The following FGF13 variants were observed in gnomAD, a reference collection of about 807,000 sequenced individuals.
FGF13 encodes fibroblast growth factor 13.
A neutral mutation model predicts 19.5 loss-of-function variants in FGF13; 2 were observed. The observed-to-expected ratio is 0.10, with a 90% confidence interval of 0.04 to 0.32. FGF13 has a LOEUF of 0.32. FGF13 is among the 10% of genes least tolerant of loss of function. The pLI, the probability that FGF13 is intolerant of heterozygous loss-of-function variation, is 1.00. For missense variants in FGF13, 113 were observed against 192.7 expected, an observed-to-expected ratio of 0.59 and a Z score of 2.45; for synonymous variants, 72 against 76.9, an observed-to-expected ratio of 0.94 and a Z score of 0.33.
At chrX:138,672,743 A>G (rs764117641) in intron 3 of FGF13, among the ~76,000 whole-genome samples, 173 of 111,704 alleles carry the variant, frequency 1.5e-3, no homozygotes, top group Non-Finnish European at 2.3e-3. Flanking sequence ...AGAGTAATAC[A>G]CAAAGAGGGT....
intron 3 of FGF13, among the ~76,000 whole-genome samples, chrX:138,648,799 CAGAGAA>C (rs758851252): frequency 2.7e-5 from 3 of 111,494 alleles, no homozygotes; most frequent in East Asian, 5.7e-4. Context: ...TCACAGCGCA[CAGAGAA>C]AAAGAATCAA....
intron 3 of FGF13, among the ~76,000 whole-genome samples, chrX:138,783,042 T>C (rs1162982351): frequency 1.1e-5 from 1 of 91,350 alleles, no homozygotes; most frequent in Non-Finnish European, 2.1e-5. Flanking sequence ...TTGACAAACC[T>C]GAGAAAAACA....
At chrX:139,037,766 A>T (rs1197593397) in intron 1 of FGF13, among the ~76,000 whole-genome samples, 1 of 111,993 alleles carries the variant, frequency 8.9e-6, no homozygotes, top group African/African-American at 3.2e-5. Flanking sequence ...CCTTAATCAC[A>T]TTTGCAAAGT....
intron 3 of FGF13, among the ~76,000 whole-genome samples, chrX:138,775,490 T>C (rs781772573): frequency 8.9e-6 from 1 of 112,109 alleles, no homozygotes; most frequent in African/African-American, 3.2e-5. Context: ...CAAATCGCAA[T>C]GGACAGTGCG....
chrX:138,702,448 A>G (rs17538858), intron 3 of FGF13, among the ~76,000 whole-genome samples: 1,744 of 111,847 alleles, frequency 0.016, 26 homozygotes, highest in African/African-American at 0.053. Flanking sequence ...TTACAAGAAA[A>G]AGACAAGCAG....
chrX:139,139,683 T>A (rs1431364320), intron 1 of FGF13, among the ~76,000 whole-genome samples: 2 of 112,136 alleles, frequency 1.8e-5, no homozygotes, highest in East Asian at 2.8e-4. Flanking sequence ...CATTATAGAT[T>A]CATCCATTCA....
At chrX:139,052,671 G>A (rs894609453) in intron 1 of FGF13, among the ~76,000 whole-genome samples, 2 of 111,518 alleles carry the variant, frequency 1.8e-5, no homozygotes, top group African/African-American at 6.5e-5. Flanking sequence ...ATAAGCAGAT[G>A]TTATCATTCT....
chrX:138,807,821 C>T (rs1181801835), intron 3 of FGF13, among the ~76,000 whole-genome samples: 8 of 111,193 alleles, frequency 7.2e-5, no homozygotes, highest in Non-Finnish European at 1.5e-4. Context: ...AGACTTTAAA[C>T]CAACAAAGAT....
At chrX:138,688,269 A>C (rs1469438259) in intron 3 of FGF13, among the ~76,000 whole-genome samples, 2 of 110,292 alleles carry the variant, frequency 1.8e-5, no homozygotes, top group Non-Finnish European at 3.8e-5. Context: ...GGCCCCAAAA[A>C]TTGGATCTTA....
At position 138,786,681 on chromosome X, in the gene FGF13, C is replaced by A. The variant is rs1037269649; in HGVS notation, c.217+70831G>T. Reference sequence around the variant, plus strand: ...TCATTCACCAGCAAGCCAGAGGCAGCAATGACCCAAGGAAAGGCAACAGAA... The same window carrying A: ...TCATTCACCAGCAAGCCAGAGGCAGAAATGACCCAAGGAAAGGCAACAGAA... On this transcript the variant is annotated intron_variant, in intron 3 of 6. Transcript: ENST00000436198. 3.7e-5 allele frequency among the ~76,000 whole-genome samples: 4 copies of A among 107,527 alleles called. No homozygotes were observed. In the Admixed American group the frequency reaches 4.0e-4, roughly 11 times the overall value. The allele number at this position is 107,527 out of a possible 115,157, so 93.4% of individuals were successfully genotyped here. A position where few individuals can be genotyped will look rare whatever the true frequency, so the allele number is the denominator to read the frequency against.
At chrX:138,827,035 C>T (rs758986905) in intron 3 of FGF13, among the ~76,000 whole-genome samples, 14 of 112,514 alleles carry the variant, frequency 1.2e-4, no homozygotes, top group African/African-American at 3.9e-4. Flanking sequence ...ATTCCACTTC[C>T]TGTTCCATTG....
Position 139,034,551 on chromosome X carries a change from C to A in FGF13, c.-113+168865G>T, listed in dbSNP as rs150550324. Among the ~76,000 whole-genome samples, 440 of 110,670 alleles carry A rather than the reference C, an allele frequency of 4.0e-3. 1 individual carries two copies. The highest frequency in any genetic ancestry group is 0.014 in the African/African-American group (413 of 30,524). ...CGAAAGTTGAAAAAGTAAATAGGGG[C>A]CCAGTTTTAGAGATCTCATAGGCTA... On this transcript the variant is annotated intron_variant, in intron 1 of 2. Transcript: ENST00000421460.
chrX:138,924,832 G>C (rs924028987), intron 1 of FGF13, among the ~76,000 whole-genome samples: 1 of 41,309 alleles, frequency 2.4e-5, no homozygotes, highest in African/African-American at 8.3e-5. Context: ...TTGAGGTAGG[G>C]GGAAAGTTAA....
chrX:138,640,680 T>G (rs1195493841), intron 3 of FGF13, among the ~76,000 whole-genome samples: 2 of 112,294 alleles, frequency 1.8e-5, no homozygotes, highest in Non-Finnish European at 3.8e-5. Context: ...GTAAAACATT[T>G]ATGTTGTTTC....
intron 1 of FGF13, among the ~76,000 whole-genome samples, chrX:139,025,353 A>G (rs924206598): frequency 2.7e-5 from 3 of 111,689 alleles, no homozygotes; most frequent in Non-Finnish European, 5.7e-5. Flanking sequence ...CCCTTGCTCA[A>G]AAGTCCTTAG....
At chrX:138,988,626 G>T (rs376599714) in intron 1 of FGF13, among the ~76,000 whole-genome samples, 1 of 112,262 alleles carries the variant, frequency 8.9e-6, no homozygotes, top group South Asian at 3.7e-4. Context: ...ATATATGATT[G>T]CAACATGTGC....
At chrX:138,961,460 G>A (rs1296495320) in intron 1 of FGF13, among the ~76,000 whole-genome samples, 4 of 111,609 alleles carry the variant, frequency 3.6e-5, no homozygotes, top group Non-Finnish European at 7.5e-5. Flanking sequence ...ACCCACTTGA[G>A]GAGGCAGTCT....
intron 1 of FGF13, among the ~76,000 whole-genome samples, chrX:138,876,729 A>G (rs1461782082): frequency 8.9e-6 from 1 of 112,195 alleles, no homozygotes; most frequent in Non-Finnish European, 1.9e-5. Context: ...TCACTGGCAG[A>G]GAGTTTACTA....
intron 1 of FGF13, among the ~76,000 whole-genome samples, chrX:138,733,104 G>A (rs1163603223): frequency 9.0e-6 from 1 of 111,494 alleles, no homozygotes; most frequent in Non-Finnish European, 1.9e-5. Context: ...ATGTGATTTT[G>A]GATATTTTCA....
Sources: allele counts gnomAD v4.1 joint callset (sites outside exome capture counted in the v4.1 genomes callset), GRCh38; gene constraint gnomAD v4.1.1; transcripts MANE v1.5; gene names NCBI Gene and HGNC (gene_info 2026-07-23, HGNC 2026-07-21).